The following CDC42BPA variants were observed in gnomAD, a reference collection of about 807,000 sequenced individuals.
CDC42BPA encodes serine/threonine-protein kinase MRCK alpha.
CDC42BPA carries 80 observed loss-of-function variants against 223.5 expected under a neutral mutation model. The observed-to-expected ratio is 0.36, with a 90% CI of 0.30 to 0.43. The LOEUF (loss-of-function observed/expected upper bound fraction) is 0.43. Ranked by LOEUF, CDC42BPA falls within the 20% of genes least tolerant of loss-of-function variation. The pLI is 1.00. For missense variants in CDC42BPA, 1,743 were observed against 2,099.9 expected, an observed-to-expected ratio of 0.83 and a Z score of 3.32; for synonymous variants, 694 against 718.6, an observed-to-expected ratio of 0.97 and a Z score of 0.55.
At chr1:227,066,942 T>A (rs780760088) in intron 21 of CDC42BPA, among the ~76,000 whole-genome samples, 1 of 152,202 alleles carries the variant, frequency 6.6e-6, no homozygotes, top group Non-Finnish European at 1.5e-5. Context: ...TGCCTGCTTA[T>A]GCACTTAACC....
intron 34 of CDC42BPA, among the ~76,000 whole-genome samples, chr1:227,006,949 TCAACAACAACAACAACAACAACAA>T (rs58305329): frequency 1.4e-5 from 2 of 148,138 alleles, no homozygotes; most frequent in Middle Eastern, 3.5e-3. Context: ...AGACTCCGTC[TCAACAACAACAACAACAACAACAA>T]CAACAACAAC....
At chr1:227,122,692 G>A (rs1231233916) in intron 11 of CDC42BPA, among the ~76,000 whole-genome samples, 3 of 152,142 alleles carry the variant, frequency 2.0e-5, no homozygotes, top group African/African-American at 7.2e-5. Context: ...AGAAGTGTTG[G>A]AAAAGATAAC....
At chr1:227,080,417 T>C (rs371207700) in intron 17 of CDC42BPA, among the ~76,000 whole-genome samples, 4 of 152,286 alleles carry the variant, frequency 2.6e-5, no homozygotes, top group Non-Finnish European at 5.9e-5. Context: ...AACTAAAATG[T>C]AACCATTTAA....
chr1:227,179,934 G>A (rs894883362), intron 5 of CDC42BPA, among the ~76,000 whole-genome samples: 1 of 151,986 alleles, frequency 6.6e-6, no homozygotes, highest in Non-Finnish European at 1.5e-5. Context: ...TGGACAGGAT[G>A]CGGAGGTTCA....
At chr1:227,313,997 T>TTAAG (rs35536825) in intron 1 of CDC42BPA, among the ~76,000 whole-genome samples, 95,104 of 151,518 alleles carry the variant, frequency 0.63, 29,988 homozygotes, top group East Asian at 0.74. Context: ...TTATTTTGTA[T>TTAAG]TAATATTATC....
intron 6 of CDC42BPA, among the ~76,000 whole-genome samples, chr1:227,155,856 G>A (rs916295681): frequency 6.6e-6 from 1 of 152,158 alleles, no homozygotes; most frequent in Non-Finnish European, 1.5e-5. Flanking sequence ...GGATAGAGAG[G>A]ATGTGTACTG....
intron 2 of CDC42BPA, among the ~76,000 whole-genome samples, chr1:227,226,196 G>A (rs1181792680): frequency 6.6e-6 from 1 of 152,152 alleles, no homozygotes; most frequent in Admixed American, 6.5e-5. Flanking sequence ...GGTTTGTAAG[G>A]CTGGCTGGAA....
At chr1:227,253,248 G>T (rs1406019392) in intron 2 of CDC42BPA, among the ~76,000 whole-genome samples, 1 of 137,412 alleles carries the variant, frequency 7.3e-6, no homozygotes, top group Non-Finnish European at 1.6e-5. Context: ...GAAAGAGAGC[G>T]AGAGAGAGAG....
intron 1 of CDC42BPA, among the ~76,000 whole-genome samples, chr1:227,300,819 T>G (rs1439657368): frequency 6.6e-6 from 1 of 152,168 alleles, no homozygotes; most frequent in East Asian, 1.9e-4. Flanking sequence ...CCAAAAGCTA[T>G]GAGAATTTAC....
At chr1:227,152,986 A>G (rs74467906) in intron 6 of CDC42BPA, among the ~76,000 whole-genome samples, 3,158 of 152,078 alleles carry the variant, frequency 0.021, 124 homozygotes, top group African/African-American at 0.072. Context: ...ATTCATTAAT[A>G]TAATATAAAA....
intron 1 of CDC42BPA, among the ~76,000 whole-genome samples, chr1:227,300,873 T>C (rs1365190839): frequency 2.0e-5 from 3 of 152,184 alleles, no homozygotes; most frequent in East Asian, 1.9e-4. Flanking sequence ...AAGTATCAAC[T>C]TGAACATCAG....
Position 227,212,092 on chromosome 1 carries a change from GTTTT to G in CDC42BPA, c.354+1040_354+1043del, listed in dbSNP as rs372804943. Among the ~76,000 whole-genome samples the G allele has an allele frequency of 4.7e-3, 703 of 150,288 alleles. 4 individuals are homozygous for G. The highest frequency in any genetic ancestry group is 0.016 in the African/African-American group (667 of 40,956). On this transcript the variant is annotated intron_variant, in intron 3 of 36. Transcript: ENST00000366766. ...CACTTCTGAGGGTTTTTGTTTGTTT[GTTTT>G]TTTTAGTTTAAAAAAAAAAACTAAA...
chr1:227,297,967 T>TATATATATATATATACACACACAC (rs369403944), intron 1 of CDC42BPA, among the ~76,000 whole-genome samples: 7 of 132,078 alleles, frequency 5.3e-5, no homozygotes, highest in Admixed American at 1.5e-4. Context: ...TATATACATA[T>TATATATATATATATACACACACAC]ACACACACAC....
intron 6 of CDC42BPA, among the ~76,000 whole-genome samples, chr1:227,148,986 A>T (rs1416150743): frequency 2.0e-5 from 3 of 151,736 alleles, no homozygotes; most frequent in African/African-American, 4.9e-5. Flanking sequence ...CACAAAAGCG[A>T]GTACCTTATG....
At chr1:227,184,391 GTT>G (rs111493441) in intron 5 of CDC42BPA, among the ~76,000 whole-genome samples, 4 of 146,964 alleles carry the variant, frequency 2.7e-5, no homozygotes, top group African/African-American at 9.9e-5. Context: ...GTTATTTGGG[GTT>G]TTTTTTTTGG....
At chr1:227,104,232 T>C (rs1233793561) in intron 14 of CDC42BPA, among the ~76,000 whole-genome samples, 1 of 152,174 alleles carries the variant, frequency 6.6e-6, no homozygotes, top group Non-Finnish European at 1.5e-5. Context: ...ATTTATCACA[T>C]AAATTAGCCT....
chr1:227,291,410 A>ATG (rs1689673698), intron 1 of CDC42BPA, among the ~76,000 whole-genome samples: 1 of 152,088 alleles, frequency 6.6e-6, no homozygotes, highest in Non-Finnish European at 1.5e-5. Flanking sequence ...TTACCCAGGC[A>ATG]TGGTGGCACG....
intron 4 of CDC42BPA, among the ~76,000 whole-genome samples, chr1:227,198,570 T>C (rs73092602): frequency 0.056 from 8,566 of 151,946 alleles, 793 homozygotes; most frequent in African/African-American, 0.19. Flanking sequence ...TATAAGCATG[T>C]AAGGGATATA....
intron 1 of CDC42BPA, among the ~76,000 whole-genome samples, chr1:227,260,072 T>A (rs1201848849): frequency 6.7e-6 from 1 of 149,696 alleles, no homozygotes; most frequent in African/African-American, 2.5e-5. Flanking sequence ...ATAATATAAA[T>A]TCCTGAATAT....
Sources: allele counts gnomAD v4.1 joint callset (sites outside exome capture counted in the v4.1 genomes callset), GRCh38; gene constraint gnomAD v4.1.1; transcripts MANE v1.5; gene names NCBI Gene and HGNC (gene_info 2026-07-23, HGNC 2026-07-21).